KIAA0825: variants seen among roughly 807,000 people sequenced by gnomAD.
KIAA0825 encodes the protein KIAA0825, also known as uncharacterized protein KIAA0825.
Under a neutral mutation model 147.6 loss-of-function variants are expected in KIAA0825, and 119 were observed. That is an observed-to-expected ratio of 0.81 (90% CI 0.69 to 0.94). The LOEUF is 0.94. Among genes scored for constraint, KIAA0825 ranks in the 40% least tolerant of loss-of-function variants. The pLI is 0.00. For missense variants in KIAA0825, 1,381 were observed against 1,472.7 expected (o/e 0.94, Z 1.02); for synonymous variants, 470 against 518.1 (o/e 0.91, Z 1.26).
At position 94,386,285 on chromosome 5, in the gene KIAA0825, G is replaced by A. The variant is rs1749129707; in HGVS notation, c.3576C>T (p.Phe1192=). ...IEDQPSAFNP[F]HVYKAFSENM... is the part of the protein sequence containing the mutation. The stretch of plus-strand genomic sequence containing the variant: ...TTTCACTAAACGCCTTATACACATG[G>A]AAAGGGTTAAAGGCAGAAGGCTGAT... Residue 1192 remains phenylalanine (F), a synonymous_variant, in exon 19 of 21, where the codon TTC becomes TTT. Transcript: ENST00000682413. The A allele has an allele frequency of 1.3e-6, 2 of 1,551,328 alleles. No homozygotes were observed. The highest frequency in any genetic ancestry group is 2.4e-5 in the South Asian group (2 of 84,050).
At chr5:94,449,936 T>A (rs1474820695) in intron 13 of KIAA0825, among the ~76,000 whole-genome samples, 1 of 151,706 alleles carries the variant, frequency 6.6e-6, no homozygotes, top group African/African-American at 2.4e-5. Context: ...AAAAATTAGC[T>A]GGGCATGGTG....
At chr5:94,281,399 T>G (rs1315112495) in intron 20 of KIAA0825, among the ~76,000 whole-genome samples, 1 of 152,140 alleles carries the variant, frequency 6.6e-6, no homozygotes, top group Non-Finnish European at 1.5e-5. Flanking sequence ...TTTTCCAAGT[T>G]GGCCACACAT....
At chr5:94,256,210 T>TCAAGATATAATG (rs1488632827) in intron 20 of KIAA0825, among the ~76,000 whole-genome samples, 2 of 152,234 alleles carry the variant, frequency 1.3e-5, no homozygotes, top group South Asian at 2.1e-4. Context: ...AGCAGAAAAC[T>TCAAGATATAATG]CAAGATATAA....
chr5:94,601,220 T>C (rs1786376397), intron 1 of KIAA0825, among the ~76,000 whole-genome samples: 1 of 152,128 alleles, frequency 6.6e-6, no homozygotes, highest in African/African-American at 2.4e-5. Flanking sequence ...GAGGTAGCGG[T>C]AGGCTGCCAT....
rs539977673 is a variant in KIAA0825 at position 94,601,314 on chromosome 5, C to T, written c.-153+17186G>A. On this transcript the variant is annotated intron_variant, in intron 1 of 20. Transcript: ENST00000682413. The stretch of plus-strand genomic sequence containing the variant: ...ACTAGGGACTGGAGCAGATGCCCAG[C>T]AAACTGCAGCAGCGCTATGGGAAAG... Among the ~76,000 whole-genome samples, 5 of 152,252 alleles carry T rather than the reference C, an allele frequency of 3.3e-5. No homozygotes were observed. In the South Asian group the frequency reaches 1.0e-3, roughly 32 times the overall value.
intron 2 of KIAA0825, among the ~76,000 whole-genome samples, chr5:94,540,215 G>A (rs1773009712): frequency 6.6e-6 from 1 of 152,208 alleles, no homozygotes. Flanking sequence ...AAGGACTTGT[G>A]AAGCTAGTCT....
At chr5:94,487,880 GA>G (rs1197180596) in intron 5 of KIAA0825, among the ~76,000 whole-genome samples, 1 of 152,178 alleles carries the variant, frequency 6.6e-6, no homozygotes, top group East Asian at 1.9e-4. Context: ...CCTGAGCCCG[GA>G]AAGTGGAGCT....
At chr5:94,586,727 G>A (rs1358824553) in intron 1 of KIAA0825, among the ~76,000 whole-genome samples, 2 of 152,166 alleles carry the variant, frequency 1.3e-5, no homozygotes, top group African/African-American at 2.4e-5. Context: ...AAGCCTGGCA[G>A]AGACCCAACA....
intron 20 of KIAA0825, among the ~76,000 whole-genome samples, chr5:94,288,378 T>TA (rs1300143204): frequency 6.6e-6 from 1 of 152,146 alleles, no homozygotes; most frequent in Non-Finnish European, 1.5e-5. Context: ...AAAAAAATTA[T>TA]AAAAATAAAT....
intron 2 of KIAA0825, among the ~76,000 whole-genome samples, chr5:94,537,540 A>C (rs903786962): frequency 1.3e-5 from 2 of 148,694 alleles, no homozygotes; most frequent in Non-Finnish European, 2.9e-5. Flanking sequence ...AGTCCCAGCT[A>C]CTTGGGAGGC....
At chr5:94,161,743 T>C (rs1159621318) in intron 20 of KIAA0825, among the ~76,000 whole-genome samples, 1 of 152,212 alleles carries the variant, frequency 6.6e-6, no homozygotes, top group South Asian at 2.1e-4. Context: ...ATTTTCTTTT[T>C]CAAATAGAAA....
Position 94,600,816 on chromosome 5 carries a change from C to G in KIAA0825, c.-153+17684G>C, listed in dbSNP as rs377379144. The stretch of plus-strand genomic sequence containing the variant: ...CTACAAAAGTGTGACCAGATTGCTT[C>G]CTTAAGTGGGTCCCCAATCTGTTTC... On this transcript the variant is annotated intron_variant, in intron 1 of 20. Coordinates refer to ENST00000682413, the MANE Select transcript of KIAA0825 (RefSeq NM_001145678.3). Among the ~76,000 whole-genome samples, 4 of 152,304 alleles carry G rather than the reference C, an allele frequency of 2.6e-5. 1 individual carries two copies. The South Asian group carries it at 8.3e-4, about 32-fold the overall frequency.
At chr5:94,558,012 G>A (rs1776878849) in intron 2 of KIAA0825, among the ~76,000 whole-genome samples, 1 of 152,186 alleles carries the variant, frequency 6.6e-6, no homozygotes, top group Admixed American at 6.5e-5. Flanking sequence ...TCCTGATCAG[G>A]CTAAAAGTTT....
At chr5:94,280,349 G>T (rs1777404282) in intron 20 of KIAA0825, among the ~76,000 whole-genome samples, 1 of 151,928 alleles carries the variant, frequency 6.6e-6, no homozygotes, top group Admixed American at 6.6e-5. Context: ...TTTTTGTTTT[G>T]GGTTCGGTTA....
intron 2 of KIAA0825, among the ~76,000 whole-genome samples, chr5:94,538,802 G>A (rs1325206109): frequency 6.6e-6 from 1 of 152,208 alleles, no homozygotes; most frequent in African/African-American, 2.4e-5. Flanking sequence ...CGCTACATGA[G>A]TGAATGCTGT....
chr5:94,339,663 C>A (rs1782166391), intron 20 of KIAA0825, among the ~76,000 whole-genome samples: 1 of 152,170 alleles, frequency 6.6e-6, no homozygotes, highest in African/African-American at 2.4e-5. Flanking sequence ...TTCCATGGAA[C>A]TACTCGTAAT....
intron 1 of KIAA0825, among the ~76,000 whole-genome samples, chr5:94,600,780 A>G (rs10035650): frequency 0.37 from 55,885 of 152,010 alleles, 11,177 homozygotes; most frequent in African/African-American, 0.49. Context: ...CCACAGCACC[A>G]CATAGCTACT....
At chr5:94,293,506 T>G (rs1421215995) in intron 20 of KIAA0825, among the ~76,000 whole-genome samples, 1 of 152,212 alleles carries the variant, frequency 6.6e-6, no homozygotes, top group Non-Finnish European at 1.5e-5. Context: ...TCTTTTGCAT[T>G]TGCTGAGGAG....
chr5:94,456,110 G>C (rs1256992835), intron 12 of KIAA0825, among the ~76,000 whole-genome samples: 2 of 152,204 alleles, frequency 1.3e-5, no homozygotes, highest in Non-Finnish European at 2.9e-5. Flanking sequence ...GACGGGACAA[G>C]ACATGGAAGT....
Sources: gnomAD v4.1 joint callset for allele counts (sites outside exome capture counted in the v4.1 genomes callset) on GRCh38, gnomAD v4.1.1 for gene constraint, MANE v1.5 for transcripts, NCBI Gene and HGNC (gene_info 2026-07-23, HGNC 2026-07-21) for gene names.